GRHL2: variants seen among roughly 807,000 people sequenced by gnomAD.
GRHL2 encodes the protein grainyhead-like protein 2 homolog.
A neutral mutation model predicts 83.8 loss-of-function variants in GRHL2; 21 were observed. That is an observed-to-expected ratio of 0.25 (90% CI 0.18 to 0.36). GRHL2 has a LOEUF of 0.36. Ranked by LOEUF, GRHL2 falls within the 10% of genes least tolerant of loss-of-function variation. GRHL2 has a pLI of 1.00. For missense variants in GRHL2, 623 were observed against 781.8 expected, an observed-to-expected ratio of 0.80 and a Z score of 2.42; for synonymous variants, 280 against 278.9, an observed-to-expected ratio of 1.00 and a Z score of -0.04.
At chr8:101,525,216 T>G in intron 1 of GRHL2, among the ~76,000 whole-genome samples, 1 of 152,340 alleles carries the variant, frequency 6.6e-6, no homozygotes, top group East Asian at 1.9e-4. Flanking sequence ...GTGCTGGAAT[T>G]ACAGGTGTGA....
chr8:101,615,308 C>T (rs900294378), intron 8 of GRHL2, among the ~76,000 whole-genome samples: 1 of 152,178 alleles, frequency 6.6e-6, no homozygotes, highest in Non-Finnish European at 1.5e-5. Flanking sequence ...CACGTCGGCT[C>T]TTAGTTGAGA....
intron 8 of GRHL2, among the ~76,000 whole-genome samples, chr8:101,604,157 A>G (rs1462071412): frequency 6.6e-6 from 1 of 152,080 alleles, no homozygotes; most frequent in East Asian, 1.9e-4. Flanking sequence ...ATTCTTTCAC[A>G]TGACTCCCAT....
At chr8:101,566,458 C>T (rs997117172) in intron 4 of GRHL2, among the ~76,000 whole-genome samples, 1 of 151,726 alleles carries the variant, frequency 6.6e-6, no homozygotes. Context: ...TTCATGTCCA[C>T]AGCTTCAGTT....
chr8:101,562,943 A>G (rs991452522), intron 4 of GRHL2, among the ~76,000 whole-genome samples: 1 of 152,234 alleles, frequency 6.6e-6, no homozygotes, highest in Admixed American at 6.5e-5. Context: ...CCTGCTGCCT[A>G]TTTAATTTCC....
At chr8:101,650,505 T>C (rs969213680) in intron 14 of GRHL2, among the ~76,000 whole-genome samples, 1 of 152,218 alleles carries the variant, frequency 6.6e-6, no homozygotes, top group African/African-American at 2.4e-5. Context: ...TGAATACTTG[T>C]TTCCAGTTCT....
intron 1 of GRHL2, among the ~76,000 whole-genome samples, chr8:101,496,030 C>A (rs1399916992): frequency 1.3e-5 from 2 of 151,670 alleles, no homozygotes; most frequent in African/African-American, 2.4e-5. Flanking sequence ...TGCCTGTAAT[C>A]TCAGCTACTT....
intron 14 of GRHL2, among the ~76,000 whole-genome samples, chr8:101,660,173 C>G (rs1030925363): frequency 6.6e-6 from 1 of 152,168 alleles, no homozygotes; most frequent in Non-Finnish European, 1.5e-5. Context: ...TAACAATTAC[C>G]TATAATAATT....
intron 1 of GRHL2, among the ~76,000 whole-genome samples, chr8:101,496,562 G>A (rs2129954369): frequency 6.6e-6 from 1 of 152,206 alleles, no homozygotes; most frequent in Middle Eastern, 3.4e-3. Flanking sequence ...GGTGCTTACT[G>A]TGTGTGTGTT....
intron 1 of GRHL2, among the ~76,000 whole-genome samples, chr8:101,515,624 C>T (rs767341600): frequency 6.6e-6 from 1 of 152,068 alleles, no homozygotes. Context: ...GAGGCATGCC[C>T]GCAGTGCAGA....
intron 8 of GRHL2, among the ~76,000 whole-genome samples, chr8:101,611,313 A>G (rs1812745231): frequency 6.6e-6 from 1 of 150,844 alleles, no homozygotes; most frequent in Non-Finnish European, 1.5e-5. Flanking sequence ...CCTTCAGAGA[A>G]AGCTCTTTCT....
intron 7 of GRHL2, among the ~76,000 whole-genome samples, chr8:101,594,867 A>G (rs1207491418): frequency 1.3e-5 from 2 of 152,218 alleles, no homozygotes; most frequent in Non-Finnish European, 2.9e-5. Context: ...CTCATATAAC[A>G]TATATAACTA....
chr8:101,642,552 CACAGTA>C (rs1363233327), intron 12 of GRHL2, among the ~76,000 whole-genome samples: 2 of 152,106 alleles, frequency 1.3e-5, no homozygotes, highest in African/African-American at 4.8e-5. Context: ...CAAGACGTTA[CACAGTA>C]ACGTGACCTG....
chr8:101,564,812 C>CAAAA lies in GRHL2; in HGVS notation c.679-5512_679-5509dup, dbSNP rs3035637. On this transcript the variant is annotated intron_variant, in intron 4 of 15. Transcript: ENST00000646743. ...GGGTGACAGAGCAAGGCCCTGTCTC[C>CAAAA]AAAAAAAAAAAAAAAAAACCACTTT... Among the ~76,000 whole-genome samples, 226 of 109,684 alleles carry CAAAA rather than the reference C, an allele frequency of 2.1e-3. 4 individuals carry two copies. Among genetic ancestry groups the CAAAA allele is most frequent in the Middle Eastern group, 0.014 (3 of 218 alleles). The allele number at this position is 109,684 out of a possible 152,430, so 72.0% of individuals were successfully genotyped here.
intron 1 of GRHL2, among the ~76,000 whole-genome samples, chr8:101,493,523 G>C (rs1810018861): frequency 6.6e-6 from 1 of 152,026 alleles, no homozygotes; most frequent in African/African-American, 2.4e-5. Flanking sequence ...CGAACTGGGG[G>C]AACTCATGTG....
chr8:101,492,500 CGATCCAG>C lies in GRHL2; in HGVS notation c.-267_-261del. 1.7e-6 allele frequency: 1 copy of C among 580,182 alleles called. No homozygotes were observed. The highest frequency in any genetic ancestry group is 3.0e-5 in the Admixed American group (1 of 33,176). The allele number at this position is 580,182 out of a possible 1,614,324, so 35.9% of individuals were successfully genotyped here. On this transcript the variant is annotated 5_prime_UTR_variant, in exon 1 of 16. Transcript: ENST00000646743. ...TCTGCTCTGTGTCTGCCCATTGCCA[CGATCCAG>C]GAGGACTCCGCGCCGCCCGGCCGCC... is the stretch of plus-strand genomic sequence containing the variant.
At chr8:101,498,276 G>A (rs573197682) in intron 1 of GRHL2, among the ~76,000 whole-genome samples, 185 of 152,142 alleles carry the variant, frequency 1.2e-3, no homozygotes, top group African/African-American at 4.3e-3. Flanking sequence ...GTGCTGCCAC[G>A]CTCGGCTGAT....
chr8:101,568,101 T>TACA (rs1811751295), intron 4 of GRHL2, among the ~76,000 whole-genome samples: 3 of 152,256 alleles, frequency 2.0e-5, no homozygotes, highest in Non-Finnish European at 2.9e-5. Flanking sequence ...GAAATTTTTT[T>TACA]TAATACTATC....
chr8:101,639,347 T>A (rs926980910), intron 12 of GRHL2, among the ~76,000 whole-genome samples: 4 of 152,234 alleles, frequency 2.6e-5, no homozygotes, highest in African/African-American at 9.6e-5. Flanking sequence ...TGTGTAAAAG[T>A]AATAATTAAC....
At chr8:101,562,324 G>T in intron 4 of GRHL2, 1 of 631,462 alleles carries the variant, frequency 1.6e-6, no homozygotes, top group East Asian at 3.1e-5. Context: ...GCTGCTTTCA[G>T]GAATGCTTTG....
Sources: allele counts gnomAD v4.1 joint callset (sites outside exome capture counted in the v4.1 genomes callset), GRCh38; gene constraint gnomAD v4.1.1; transcripts MANE v1.5; gene names NCBI Gene and HGNC (gene_info 2026-07-23, HGNC 2026-07-21).